Variants in CD36 observed in about 807,000 individuals in gnomAD.
CD36 encodes CD36 molecule (CD36 blood group).
Under a neutral mutation model 55.2 loss-of-function variants are expected in CD36, and 119 were observed. The observed-to-expected ratio is 2.15, with a 90% CI of 1.86 to 2.51. The LOEUF is 2.51. CD36 is among the 30% of genes most tolerant of loss of function. The pLI is 0.00. For synonymous variants in CD36, 186 were observed against 193.6 expected (o/e 0.96, Z 0.33); for missense variants, 819 against 555.5 (o/e 1.47, Z -4.77).
chr7:80,627,117 T>C (rs1793786887), intron 1 of CD36, among the ~76,000 whole-genome samples: 1 of 152,082 alleles, frequency 6.6e-6, no homozygotes, highest in Non-Finnish European at 1.5e-5. Flanking sequence ...GACTTCATCA[T>C]ATTAAAGGTT....
At chr7:80,641,459 G>A (rs1794807130) in intron 1 of CD36, among the ~76,000 whole-genome samples, 1 of 152,012 alleles carries the variant, frequency 6.6e-6, no homozygotes, top group Non-Finnish European at 1.5e-5. Context: ...GACAGATGCT[G>A]TATTTTTTAG....
intron 4 of CD36, among the ~76,000 whole-genome samples, chr7:80,657,599 T>G (rs1352866277): frequency 6.6e-6 from 1 of 152,204 alleles, no homozygotes; most frequent in Non-Finnish European, 1.5e-5. Flanking sequence ...ATGTAGGTAC[T>G]GGTAGCTCCT....
chr7:80,656,675 A>G lies in CD36; in HGVS notation c.256A>G (p.Lys86Glu), dbSNP rs1234457184. The G allele has an allele frequency of 1.2e-6, 2 of 1,613,730 alleles. No individual in the cohort carries two copies. The highest frequency in any genetic ancestry group is 1.3e-5 in the African/African-American group (1 of 74,998). Reference protein sequence around the residue: ...VMMNSSNIQVKQRGPYTYRVR... With the variant: ...VMMNSSNIQVEQRGPYTYRVR... ...GATGAACAGCAGCAACATTCAAGTT[A>G]AGCAAAGAGGTCCTTATACGTACAG... Residue 86 changes from lysine (K) to glutamate (E), a missense_variant, in exon 4 of 15, where the codon AAG becomes GAG. By Grantham distance (56) the Lys-to-Glu change is moderately conservative. Coordinates refer to ENST00000447544, the MANE Select transcript of CD36 (RefSeq NM_001001548.3).
chr7:80,635,553 G>A (rs1443486382), upstream of CD36, among the ~76,000 whole-genome samples: 2 of 152,108 alleles, frequency 1.3e-5, no homozygotes, highest in African/African-American at 2.4e-5. Context: ...GGGATTACAG[G>A]TGTGAGCCAC....
intron 8 of CD36, among the ~76,000 whole-genome samples, chr7:80,666,853 GAATTAAAAA>G (rs1253876664): frequency 1.3e-5 from 2 of 151,982 alleles, no homozygotes; most frequent in African/African-American, 4.8e-5. Context: ...AGAATTGAAA[GAATTAAAAA>G]AAGCTAATTA....
intron 8 of CD36, among the ~76,000 whole-genome samples, chr7:80,667,976 T>C (rs1331204983): frequency 6.6e-6 from 1 of 151,948 alleles, no homozygotes; most frequent in African/African-American, 2.4e-5. Flanking sequence ...CTTGATCTCT[T>C]GACCTTGTGA....
chr7:80,628,458 AT>A (rs1323372127), intron 1 of CD36, among the ~76,000 whole-genome samples: 1 of 152,074 alleles, frequency 6.6e-6, no homozygotes, highest in Non-Finnish European at 1.5e-5. Flanking sequence ...TATGTGCTTC[AT>A]GTTATATTAA....
chr7:80,646,626 G>C, intron 2 of CD36, 26 bp from the exon 3 acceptor site: 1 of 1,278,006 alleles, frequency 7.8e-7, no homozygotes, highest in South Asian at 1.2e-5. Flanking sequence ...TTAAGCTTCT[G>C]TTTTATGATC....
chr7:80,664,968 A>ACT (rs1330071312), intron 7 of CD36, among the ~76,000 whole-genome samples: 2 of 151,958 alleles, frequency 1.3e-5, no homozygotes, highest in Non-Finnish European at 2.9e-5. Context: ...AAATGTGTCT[A>ACT]TAAAGATGGA....
intron 3 of CD36, among the ~76,000 whole-genome samples, chr7:80,654,107 A>T (rs1248822619): frequency 6.6e-6 from 1 of 152,078 alleles, no homozygotes; most frequent in African/African-American, 2.4e-5. Flanking sequence ...GTCGCTAGAG[A>T]TATTTTTTAA....
intron 8 of CD36, among the ~76,000 whole-genome samples, chr7:80,668,962 C>T (rs747571637): frequency 1.3e-5 from 2 of 152,116 alleles, no homozygotes; most frequent in African/African-American, 2.4e-5. Flanking sequence ...AAAGTAAATT[C>T]AATAAATGAC....
intron 1 of CD36, among the ~76,000 whole-genome samples, chr7:80,630,255 A>G (rs1793999413): frequency 6.6e-6 from 1 of 152,026 alleles, no homozygotes; most frequent in African/African-American, 2.4e-5. Context: ...GGATCTGTTA[A>G]GTGGATAAAG....
In CD36 at chr7:80,667,750, T is replaced by TTTTTTG. The variant is rs1408684771; in HGVS notation, c.748+1266_748+1267insGTTTTT. ...GGATTTGCAGGGGTTTTCTTTTGTT[T>TTTTTTG]TTTTTTTTTTTTTTTTTTGAGACAT... On this transcript the variant is annotated intron_variant, in intron 8 of 14. Coordinates refer to ENST00000447544, the MANE Select transcript of CD36 (RefSeq NM_001001548.3). 6.1e-3 allele frequency among the ~76,000 whole-genome samples: 657 copies of TTTTTTG among 108,252 alleles called. 11 individuals carry two copies. Among genetic ancestry groups the TTTTTTG allele is most frequent in the African/African-American group, 0.017 (584 of 33,558 alleles). 71.0% of individuals were successfully genotyped at this position (108,252 alleles called of 152,430 possible). A position where few individuals can be genotyped will look rare whatever the true frequency, so the allele number is the denominator to read the frequency against.
intron 1 of CD36, among the ~76,000 whole-genome samples, chr7:80,622,737 G>T (rs1305334261): frequency 6.6e-6 from 1 of 152,172 alleles, no homozygotes; most frequent in East Asian, 1.9e-4. Context: ...GAACAAATGT[G>T]CATTTCCTAT....
intron 6 of CD36, among the ~76,000 whole-genome samples, 165 bp from the exon 7 acceptor site, chr7:80,664,241 C>A (rs1229955806): frequency 6.6e-6 from 1 of 151,698 alleles, no homozygotes; most frequent in East Asian, 1.9e-4. Flanking sequence ...TATTTCTAGG[C>A]ACCTTTCACA....
At chr7:80,654,357 G>C (rs546787843) in intron 3 of CD36, among the ~76,000 whole-genome samples, 2 of 152,252 alleles carry the variant, frequency 1.3e-5, no homozygotes, top group South Asian at 4.1e-4. Context: ...GTAATTACTT[G>C]TGTACAAACC....
chr7:80,640,308 T>G (rs1794720422), intron 1 of CD36, among the ~76,000 whole-genome samples: 1 of 152,046 alleles, frequency 6.6e-6, no homozygotes, highest in African/African-American at 2.4e-5. Flanking sequence ...TTTTGTAAAA[T>G]ATACACATTT....
At chr7:80,615,774 G>A (rs1238467200) in intron 1 of CD36, among the ~76,000 whole-genome samples, 2 of 152,074 alleles carry the variant, frequency 1.3e-5, no homozygotes, top group Non-Finnish European at 2.9e-5. Flanking sequence ...TTCTAAGGCG[G>A]GAAGCTTCAT....
chr7:80,619,100 G>C (rs1374974122), intron 1 of CD36, among the ~76,000 whole-genome samples: 1 of 151,952 alleles, frequency 6.6e-6, no homozygotes, highest in African/African-American at 2.4e-5. Flanking sequence ...AAAATCCTAG[G>C]GCCCTTCAGA....
Sources: allele counts gnomAD v4.1 joint callset (sites outside exome capture counted in the v4.1 genomes callset), GRCh38; gene constraint gnomAD v4.1.1; transcripts MANE v1.5; gene names NCBI Gene and HGNC (gene_info 2026-07-23, HGNC 2026-07-21).